CNIH3: variants seen among roughly 807,000 people sequenced by gnomAD.
The protein encoded by CNIH3 is protein cornichon homolog 3.
A neutral mutation model predicts 24.1 loss-of-function variants in CNIH3; 14 were observed. The observed-to-expected ratio is 0.58, with a 90% CI of 0.38 to 0.91. The LOEUF (loss-of-function observed/expected upper bound fraction) is 0.91, where lower values mean the gene tolerates loss of function less well. Ranked by LOEUF, CNIH3 falls within the 40% of genes least tolerant of loss-of-function variation. The pLI, the probability that CNIH3 is intolerant of heterozygous loss-of-function variation, is 0.00. For synonymous variants in CNIH3, 68 were observed against 73.8 expected (o/e 0.92, Z 0.40); for missense variants, 178 against 196.8 (o/e 0.90, Z 0.57).
At chr1:224,694,555 T>G (rs1317904210) in intron 3 of CNIH3, among the ~76,000 whole-genome samples, 1 of 152,214 alleles carries the variant, frequency 6.6e-6, no homozygotes, top group African/African-American at 2.4e-5. Flanking sequence ...TTCTGGTTGT[T>G]TCTGTGAGGG....
chr1:224,690,555 G>T (rs1269110780), intron 3 of CNIH3, among the ~76,000 whole-genome samples: 1 of 152,158 alleles, frequency 6.6e-6, no homozygotes, highest in Non-Finnish European at 1.5e-5. Flanking sequence ...TTAGATTGAG[G>T]CTGCCCAATG....
chr1:224,714,110 C>T (rs143876676), intron 3 of CNIH3, among the ~76,000 whole-genome samples: 137 of 152,298 alleles, frequency 9.0e-4, no homozygotes, highest in African/African-American at 3.1e-3. Flanking sequence ...CCACTGTGCC[C>T]GGCCTCACTG....
Position 224,617,136 on chromosome 1 carries a change from G to T in CNIH3, c.-39G>T, listed in dbSNP as rs761784528. ...CTAGGGAGGCATCGGGCTCCTAGGG[G>T]CTTCTTGGCGTGTGTGGTGGGATTG... On this transcript the variant is annotated 5_prime_UTR_variant, in exon 1 of 6. Coordinates refer to ENST00000272133, the MANE Select transcript of CNIH3 (RefSeq NM_152495.2). 1 of 1,610,374 alleles carries T rather than the reference G, an allele frequency of 6.2e-7. No individual in the cohort carries two copies. The highest frequency in any genetic ancestry group is 8.5e-7 in the Non-Finnish European group (1 of 1,178,264).
chr1:224,735,830 T>A (rs1689567398), intron 5 of CNIH3, among the ~76,000 whole-genome samples: 1 of 151,666 alleles, frequency 6.6e-6, no homozygotes, highest in South Asian at 2.1e-4. Flanking sequence ...TTTTTTTTTT[T>A]AATTTTAAAA....
chr1:224,727,745 G>A (rs763079774), intron 3 of CNIH3, among the ~76,000 whole-genome samples: 1 of 152,166 alleles, frequency 6.6e-6, no homozygotes, highest in Non-Finnish European at 1.5e-5. Context: ...GCAAGGATCA[G>A]TGTGTGTATC....
At chr1:224,614,936 CAAATAAATAAATAAATAAAT>C (rs56329135), upstream of CNIH3, among the ~76,000 whole-genome samples, 3,669 of 146,796 alleles carry the variant, frequency 0.025, 152 homozygotes, top group African/African-American at 0.078. Context: ...GAGACTCCGT[CAAATAAATAAATAAATAAAT>C]AAATAAATAA....
chr1:224,662,487 T>C (rs10915687), intron 1 of CNIH3, among the ~76,000 whole-genome samples: 15,717 of 152,216 alleles, frequency 0.1, 1,031 homozygotes, highest in East Asian at 0.23. Context: ...GTTTATAGTT[T>C]TATAACCTTC....
At chr1:224,661,080 G>A (rs930928963) in intron 1 of CNIH3, 1 of 159,340 alleles carries the variant, frequency 6.3e-6, no homozygotes, top group Non-Finnish European at 1.4e-5. Context: ...ACTGAAAGTC[G>A]AGTTCACTGG....
At chr1:224,647,423 A>C (rs1427561379) in intron 1 of CNIH3, among the ~76,000 whole-genome samples, 1 of 152,140 alleles carries the variant, frequency 6.6e-6, no homozygotes, top group Non-Finnish European at 1.5e-5. Context: ...TTGTCCATGG[A>C]GGTGGAACAG....
At chr1:224,677,053 C>T (rs928195168) in intron 1 of CNIH3, among the ~76,000 whole-genome samples, 1 of 152,170 alleles carries the variant, frequency 6.6e-6, no homozygotes, top group Non-Finnish European at 1.5e-5. Context: ...GGTTTGGATC[C>T]TGGCACCAAA....
intron 5 of CNIH3, among the ~76,000 whole-genome samples, chr1:224,584,521 T>C (rs1369640457): frequency 6.6e-6 from 1 of 152,266 alleles, no homozygotes; most frequent in African/African-American, 2.4e-5. Context: ...AAAGTGCTGA[T>C]GTAAATCCTT....
chr1:224,667,670 G>A lies in CNIH3; in HGVS notation c.82-13288G>A, dbSNP rs546690270. 1.1e-3 allele frequency among the ~76,000 whole-genome samples: 171 copies of A among 152,220 alleles called. 1 individual carries two copies. The highest frequency in any genetic ancestry group is 4.0e-3 in the African/African-American group (166 of 41,538). On this transcript the variant is annotated intron_variant, in intron 1 of 5. Coordinates refer to ENST00000272133, the MANE Select transcript of CNIH3 (RefSeq NM_152495.2). ...AAGCTGGATTCTGCCAAGTGTCTGA[G>A]GGGATGTGGGACAGAGAATCCGCGG...
intron 1 of CNIH3, among the ~76,000 whole-genome samples, chr1:224,457,269 C>CTG (rs746876435): frequency 4.8e-5 from 5 of 104,688 alleles, no homozygotes; most frequent in African/African-American, 9.2e-5. Context: ...GCCCTCCTCT[C>CTG]TCTCTCTGTG....
chr1:224,739,273 G>T (rs1689749691), intron 5 of CNIH3, 56 bp from the exon 6 acceptor site: 2 of 1,583,628 alleles, frequency 1.3e-6, no homozygotes, highest in Non-Finnish European at 1.7e-6. Flanking sequence ...TCCTCTGTGG[G>T]CTTCTACTAA....
rs1679850670 is a variant in CNIH3 at position 224,550,010 on chromosome 1, G to GT, written n.450+3072dup. Among the ~76,000 whole-genome samples, 4 of 152,112 alleles carry GT rather than the reference G, an allele frequency of 2.6e-5. 1 individual carries two copies. ...TTATATGTCATTAATATCACAGTGT[G>GT]TAAACACAGGATATCATAGAATATC... On this transcript the variant is annotated intron_variant and non_coding_transcript_variant, in intron 3 of 5. Transcript: ENST00000471578.
chr1:224,542,064 C>T (rs567943730), downstream of CNIH3, among the ~76,000 whole-genome samples: 2 of 152,330 alleles, frequency 1.3e-5, no homozygotes, highest in South Asian at 4.1e-4. Context: ...AATGGCTTCA[C>T]ACTTCCCAGT....
intron 1 of CNIH3, among the ~76,000 whole-genome samples, chr1:224,438,037 C>T (rs773630747): frequency 3.3e-5 from 5 of 151,862 alleles, no homozygotes; most frequent in African/African-American, 9.7e-5. Flanking sequence ...TTCAGCCTCC[C>T]GAGTAGCTGG....
At chr1:224,631,032 G>A (rs1189123096) in intron 1 of CNIH3, among the ~76,000 whole-genome samples, 1 of 152,046 alleles carries the variant, frequency 6.6e-6, no homozygotes, top group Non-Finnish European at 1.5e-5. Flanking sequence ...GGTGGTGCGT[G>A]CCTGTCATCC....
At chr1:224,517,411 G>T (rs1359092671) in intron 1 of CNIH3, among the ~76,000 whole-genome samples, 1 of 152,178 alleles carries the variant, frequency 6.6e-6, no homozygotes, top group Non-Finnish European at 1.5e-5. Context: ...GCCTGGAGTG[G>T]CGTTTGATGC....
Sources: gnomAD v4.1 joint callset for allele counts (sites outside exome capture counted in the v4.1 genomes callset) on GRCh38, gnomAD v4.1.1 for gene constraint, MANE v1.5 for transcripts, NCBI Gene and HGNC (gene_info 2026-07-23, HGNC 2026-07-21) for gene names.